The following MAGI3 variants were observed in gnomAD, a reference collection of about 807,000 sequenced individuals.
MAGI3 encodes membrane-associated guanylate kinase, WW and PDZ domain-containing protein 3.
In MAGI3, 43 loss-of-function variants were observed where a neutral mutation model predicts 121.8. That is an observed-to-expected ratio of 0.35 (90% CI 0.28 to 0.46). The LOEUF (loss-of-function observed/expected upper bound fraction) is 0.46. Ranked by LOEUF, MAGI3 falls within the 20% of genes least tolerant of loss-of-function variation. The pLI, the probability that MAGI3 is intolerant of heterozygous loss-of-function variation, is 1.00. For missense variants in MAGI3, 1,547 were observed against 1,797.3 expected, an observed-to-expected ratio of 0.86 and a Z score of 2.52; for synonymous variants, 553 against 639.3, an observed-to-expected ratio of 0.86 and a Z score of 2.04.
chr1:113,642,263 C>G lies in MAGI3; in HGVS notation c.1713C>G (p.Ser571Arg), dbSNP rs1175407405. 6.2e-7 allele frequency: 1 copy of G among 1,614,180 alleles called. No homozygotes were observed. Among genetic ancestry groups the G allele is most frequent in the South Asian group, 1.1e-5 (1 of 91,072 alleles). Residue 571 changes from serine to arginine, a missense_variant, in exon 10 of 21, where the codon AGC (serine) becomes AGG (arginine). Ser to Arg is a moderately radical substitution (Grantham distance 110). Transcript: ENST00000307546. Reference protein sequence around the residue: ...EQRVSMASSGSSQPELVTIPL... With the variant: ...EQRVSMASSGRSQPELVTIPL... ...GAGTATCCATGGCATCGTCAGGCAG[C>G]TCCCAGCCTGAACTAGTGACTATCC...
intron 16 of MAGI3, among the ~76,000 whole-genome samples, chr1:113,666,004 C>CTT (rs1373647923): frequency 6.6e-6 from 1 of 152,048 alleles, no homozygotes; most frequent in Non-Finnish European, 1.5e-5. Flanking sequence ...CTTAAGTGTG[C>CTT]AATAGCAGTA....
At chr1:113,585,344 A>G (rs375094566) in intron 3 of MAGI3, 43 bp from the exon 4 acceptor site, 1 of 1,572,280 alleles carries the variant, frequency 6.4e-7, no homozygotes, top group African/African-American at 1.4e-5. Flanking sequence ...TCTGACTCTC[A>G]CTGCAACATT....
At chr1:113,536,147 T>G (rs974781953) in intron 1 of MAGI3, among the ~76,000 whole-genome samples, 4 of 69,368 alleles carry the variant, frequency 5.8e-5, no homozygotes, top group African/African-American at 1.5e-4. Context: ...GACATGTGTT[T>G]TTTTTTTTTT....
At chr1:113,662,475 A>C (rs1175343232) in intron 16 of MAGI3, among the ~76,000 whole-genome samples, 1 of 152,198 alleles carries the variant, frequency 6.6e-6, no homozygotes, top group Non-Finnish European at 1.5e-5. Flanking sequence ...ATTAATTTCA[A>C]ATTTTTTGTC....
Position 113,395,764 on chromosome 1 carries a change from C to T in MAGI3, c.316+4415C>T, listed in dbSNP as rs1237499874. On this transcript the variant is annotated intron_variant, in intron 1 of 20. Coordinates refer to ENST00000307546, the MANE Select transcript of MAGI3 (RefSeq NM_001142782.2). ...ACTTTATTGATCCTGCCCTCACCCC[C>T]AGACTTTTATAATTTAGTTTGTAAA... is the stretch of plus-strand genomic sequence containing the variant. Among the ~76,000 whole-genome samples, 3 of 152,086 alleles carry T rather than the reference C, an allele frequency of 2.0e-5. No homozygotes were observed. In the East Asian group the frequency reaches 5.8e-4, roughly 29 times the overall value.
chr1:113,505,548 A>AAATG (rs1491395383), intron 1 of MAGI3, among the ~76,000 whole-genome samples: 45 of 148,374 alleles, frequency 3.0e-4, no homozygotes, highest in African/African-American at 1.1e-3. Flanking sequence ...ATAAATAAAT[A>AAATG]AATAAATATA....
chr1:113,423,272 GTTT>G, intron 1 of MAGI3, among the ~76,000 whole-genome samples: 5 of 140,588 alleles, frequency 3.6e-5, no homozygotes, highest in Non-Finnish European at 7.8e-5. Context: ...GGGGGGGGTT[GTTT>G]TTGTTTTTGT....
chr1:113,439,917 G>A lies in MAGI3; in HGVS notation c.316+48568G>A, dbSNP rs114117848. On this transcript the variant is annotated intron_variant, in intron 1 of 20. Transcript: ENST00000307546. The stretch of plus-strand genomic sequence containing the variant: ...GGCCTGTTTTGACTCTACGGTCTCC[G>A]GTTATTTCATTTTACTGTGCTGTTT... Among the ~76,000 whole-genome samples, 313 of 150,724 alleles carry A rather than the reference G, an allele frequency of 2.1e-3. 1 individual carries two copies. Among genetic ancestry groups the A allele is most frequent in the African/African-American group, 7.3e-3 (300 of 41,122 alleles).
chr1:113,592,803 G>A (rs1648766169), intron 5 of MAGI3, among the ~76,000 whole-genome samples: 1 of 152,096 alleles, frequency 6.6e-6, no homozygotes, highest in South Asian at 2.1e-4. Flanking sequence ...ATGAGGTCAG[G>A]AGATCGAGAC....
In MAGI3 at chr1:113,449,587, A is replaced by G. The variant is rs556562224; in HGVS notation, c.316+58238A>G. ...TTCTGGATAAATTATCTGCAAGTGCATTTTTTTTTCCCAATAGATTGAGTT... is the reference window on the plus strand; with the variant it reads ...TTCTGGATAAATTATCTGCAAGTGCGTTTTTTTTTCCCAATAGATTGAGTT... On this transcript the variant is annotated intron_variant, in intron 1 of 20. Coordinates refer to ENST00000307546, the MANE Select transcript of MAGI3 (RefSeq NM_001142782.2). The G allele has an allele frequency of 2.1e-5, 13 of 624,146 alleles. No homozygotes were observed. The East Asian group carries it at 3.3e-4, about 16-fold the overall frequency. The allele number at this position is 624,146 out of a possible 1,614,324, so 38.7% of individuals were successfully genotyped here.
chr1:113,477,677 A>G (rs1655899183), intron 1 of MAGI3, among the ~76,000 whole-genome samples: 1 of 151,618 alleles, frequency 6.6e-6, no homozygotes, highest in Admixed American at 6.6e-5. Flanking sequence ...CTTCATTTCA[A>G]CCTTGATGCA....
At chr1:113,635,668 G>GA (rs1327687996) in intron 9 of MAGI3, among the ~76,000 whole-genome samples, 36 of 152,244 alleles carry the variant, frequency 2.4e-4, no homozygotes, top group African/African-American at 7.2e-4. Flanking sequence ...GTTCATCAAG[G>GA]ATATTGGTCT....
intron 1 of MAGI3, among the ~76,000 whole-genome samples, chr1:113,427,002 T>C (rs1318928527): frequency 6.6e-6 from 1 of 152,138 alleles, no homozygotes; most frequent in Non-Finnish European, 1.5e-5. Flanking sequence ...CCCCTCTCTT[T>C]ATATATTTGT....
chr1:113,528,412 T>C (rs183244046), intron 1 of MAGI3, among the ~76,000 whole-genome samples: 1 of 152,192 alleles, frequency 6.6e-6, no homozygotes, highest in Admixed American at 6.5e-5. Flanking sequence ...TCCTTTGTAA[T>C]TCCTATAAAC....
chr1:113,657,326 T>A (rs1653530647), intron 15 of MAGI3, among the ~76,000 whole-genome samples: 1 of 152,342 alleles, frequency 6.6e-6, no homozygotes, highest in Non-Finnish European at 1.5e-5. Context: ...CTGTTTGCTA[T>A]TTTTAACTGT....
chr1:113,449,134 A>G (rs1654334060), intron 1 of MAGI3, among the ~76,000 whole-genome samples: 1 of 151,824 alleles, frequency 6.6e-6, no homozygotes, highest in Non-Finnish European at 1.5e-5. Context: ...AAAAAAAAAG[A>G]ATATTTTGCA....
Position 113,391,121 on chromosome 1 carries a change from G to A in MAGI3, c.88G>A (p.Gly30Ser). 11 of 1,575,744 alleles carry A rather than the reference G, an allele frequency of 7.0e-6. No homozygotes were observed. Among genetic ancestry groups the A allele is most frequent in the Non-Finnish European group, 8.6e-6 (10 of 1,161,138 alleles). Residue 30 changes from glycine to serine, a missense_variant, in exon 1 of 21, where the codon GGC (glycine) becomes AGC (serine). Transcript: ENST00000307546. This position sits in a 1 kb window ranked among gnomAD's most constrained non-coding sequence, Gnocchi z 4.4. ...VSWAGPPGDF[G>S]AEIRGGAERG... is the part of the protein sequence containing the mutation. Reference sequence around the variant, plus strand: ...CTGGGCCGGGCCCCCGGGCGACTTCGGCGCGGAGATCCGCGGTGGCGCGGA... The same window carrying A: ...CTGGGCCGGGCCCCCGGGCGACTTCAGCGCGGAGATCCGCGGTGGCGCGGA...
chr1:113,579,302 G>A (rs552446702), intron 2 of MAGI3, among the ~76,000 whole-genome samples: 2 of 152,316 alleles, frequency 1.3e-5, no homozygotes, highest in African/African-American at 4.8e-5. Flanking sequence ...GTTAGCTGAG[G>A]TGAGAGTGGG....
At chr1:113,459,953 C>G (rs1654948109) in intron 1 of MAGI3, among the ~76,000 whole-genome samples, 1 of 152,162 alleles carries the variant, frequency 6.6e-6, no homozygotes, top group Admixed American at 6.5e-5. Context: ...CAAAACCTGG[C>G]AGAGACACAA....
Sources: gnomAD v4.1 joint callset for allele counts (sites outside exome capture counted in the v4.1 genomes callset) on GRCh38, gnomAD v4.1.1 for gene constraint, Gnocchi (gnomAD v3.1) non-coding constraint, MANE v1.5 for transcripts, NCBI Gene and HGNC (gene_info 2026-07-23, HGNC 2026-07-21) for gene names.